DCUN1D1: variants seen among roughly 807,000 people sequenced by gnomAD.
DCUN1D1 encodes defective in cullin neddylation 1 domain containing 1, also known as DCN1-like protein 1.
In DCUN1D1, 3 loss-of-function variants were observed where a neutral mutation model predicts 39.0. The ratio of observed to expected loss-of-function variants is 0.08; its 90% CI spans 0.04 to 0.20. DCUN1D1 has a LOEUF of 0.20. Ranked by LOEUF, DCUN1D1 falls within the 10% of genes least tolerant of loss-of-function variation. The pLI is 1.00. For missense variants in DCUN1D1, 158 were observed against 302.4 expected (o/e 0.52, Z 3.54); for synonymous variants, 82 against 96.3 (o/e 0.85, Z 0.87).
At position 182,939,463 on chromosome 3, in the gene DCUN1D1, C is replaced by G. The variant is rs1318938758; in HGVS notation, c.*5631G>C. The G allele has an allele frequency of 6.6e-6, 1 of 152,180 alleles. No individual in the cohort carries two copies. The highest frequency in any genetic ancestry group is 2.4e-5 in the African/African-American group (1 of 41,436). The allele number at this position is 152,180 out of a possible 1,614,324, so 9.4% of individuals were successfully genotyped here. A position where few individuals can be genotyped will look rare whatever the true frequency, so the allele number is the denominator to read the frequency against. On this transcript the variant is annotated 3_prime_UTR_variant, in exon 7 of 7. Coordinates refer to ENST00000292782, the MANE Select transcript of DCUN1D1 (RefSeq NM_020640.4). ...AATTGTAGGCCAGCCAAATGTCTATCAACTGGTGAATGGATAAACAAAATG... is the reference window on the plus strand; with the variant it reads ...AATTGTAGGCCAGCCAAATGTCTATGAACTGGTGAATGGATAAACAAAATG...
Position 182,947,101 on chromosome 3 carries a change from C to CA in DCUN1D1, c.700+136dup, listed in dbSNP as rs199535170. On this transcript the variant is annotated intron_variant, in intron 6 of 6. Transcript: ENST00000292782. ...TGGGCAACAGAATGAGACTCTATCTCAAAAAAAACAAAAACAAAACAAAAG... is the reference window on the plus strand; with the variant it reads ...TGGGCAACAGAATGAGACTCTATCTCAAAAAAAAACAAAAACAAAACAAAAG... 3.3e-3 allele frequency: 1,948 copies of CA among 583,596 alleles called. 26 individuals are homozygous for CA. Among genetic ancestry groups the CA allele is most frequent in the African/African-American group, 0.032 (1,648 of 52,036 alleles). The allele number at this position is 583,596 out of a possible 1,614,324, so 36.2% of individuals were successfully genotyped here.
chr3:182,967,194 A>G (rs1023175060), intron 1 of DCUN1D1, among the ~76,000 whole-genome samples: 1 of 151,400 alleles, frequency 6.6e-6, no homozygotes, highest in African/African-American at 2.4e-5. Flanking sequence ...TGAGAGCCCC[A>G]GATTCCCTCA....
At chr3:182,948,519 A>G (rs1726535092) in intron 4 of DCUN1D1, among the ~76,000 whole-genome samples, 1 of 152,246 alleles carries the variant, frequency 6.6e-6, no homozygotes, top group Non-Finnish European at 1.5e-5. Flanking sequence ...CACATGACAG[A>G]GAACTACACT....
At chr3:182,961,885 G>A (rs745725384) in intron 3 of DCUN1D1, among the ~76,000 whole-genome samples, 6 of 152,170 alleles carry the variant, frequency 3.9e-5, no homozygotes, top group Non-Finnish European at 8.8e-5. Context: ...TTAATATTAA[G>A]CTTTTTCTGT....
intron 1 of DCUN1D1, chr3:182,980,149 C>T (rs1728461759): frequency 3.8e-6 from 3 of 782,364 alleles, no homozygotes; most frequent in Middle Eastern, 6.4e-4. Context: ...GCCGTTGCCC[C>T]CTCCCCTCCC....
intron 1 of DCUN1D1, 81 bp from the exon 2 acceptor site, chr3:182,965,834 C>G: frequency 1.2e-6 from 1 of 844,562 alleles, no homozygotes; most frequent in Non-Finnish European, 1.9e-6. Flanking sequence ...ACTAAACATT[C>G]TTAGTAATAC....
chr3:182,956,824 T>C (rs1199392548), intron 4 of DCUN1D1, among the ~76,000 whole-genome samples: 2 of 152,176 alleles, frequency 1.3e-5, no homozygotes, highest in African/African-American at 4.8e-5. Flanking sequence ...TTTGATCAAA[T>C]TAACATAATG....
upstream of DCUN1D1, among the ~76,000 whole-genome samples, chr3:182,982,929 C>T (rs1465735124): frequency 1.3e-5 from 2 of 152,108 alleles, no homozygotes; most frequent in Non-Finnish European, 2.9e-5. Flanking sequence ...CAGGCGTGAG[C>T]CACCGCGCCT....
At chr3:182,980,145 GCCCCCTCCCCTC>G in intron 1 of DCUN1D1, 4 of 838,468 alleles carry the variant, frequency 4.8e-6, no homozygotes, top group Non-Finnish European at 5.8e-6. Context: ...CAAGGCCGTT[GCCCCCTCCCCTC>G]CCCCCGCCCC....
chr3:182,971,185 A>C (rs1727917223), intron 1 of DCUN1D1, among the ~76,000 whole-genome samples: 1 of 152,220 alleles, frequency 6.6e-6, no homozygotes, highest in African/African-American at 2.4e-5. Context: ...CTGTAAACAG[A>C]GTGTTGAGGT....
chr3:182,965,839 T>C (rs1727640407), intron 1 of DCUN1D1, 86 bp from the exon 2 acceptor site: 2 of 837,716 alleles, frequency 2.4e-6, no homozygotes, highest in East Asian at 5.0e-5. Context: ...ACATTCTTAG[T>C]AATACTTTTT....
At chr3:182,960,269 C>T (rs1289935208) in intron 4 of DCUN1D1, among the ~76,000 whole-genome samples, 1 of 131,674 alleles carries the variant, frequency 7.6e-6, no homozygotes, top group East Asian at 2.0e-4. Flanking sequence ...CAATTTAAAC[C>T]TTTCTGTCTC....
At chr3:182,959,833 C>T (rs550863877) in intron 4 of DCUN1D1, among the ~76,000 whole-genome samples, 1 of 152,276 alleles carries the variant, frequency 6.6e-6, no homozygotes, top group South Asian at 2.1e-4. Flanking sequence ...GGGTGGATCC[C>T]TCATGAATGG....
intron 1 of DCUN1D1, among the ~76,000 whole-genome samples, chr3:182,976,444 TACACACACACACACACACAC>T (rs59465164): frequency 7.1e-5 from 10 of 140,684 alleles, no homozygotes; most frequent in African/African-American, 2.2e-4. Context: ...TATACATACA[TACACACACACACACACACAC>T]ACACACACAC....
chr3:182,945,084 T>C lies in DCUN1D1; in HGVS notation c.*10A>G. 6.2e-7 allele frequency: 1 copy of C among 1,609,226 alleles called. No homozygotes were observed. The highest frequency in any genetic ancestry group is 8.5e-7 in the Non-Finnish European group (1 of 1,177,182). On this transcript the variant is annotated 3_prime_UTR_variant, in exon 7 of 7. Transcript: ENST00000292782. ...ACAGACTATGTACATTCTAGAAGGT[T>C]CCTTTAGTGCTACACTGTTGTACTT...
At chr3:182,948,015 T>C (rs918101695) in intron 4 of DCUN1D1, among the ~76,000 whole-genome samples, 1 of 152,222 alleles carries the variant, frequency 6.6e-6, no homozygotes, top group Admixed American at 6.5e-5. Context: ...GGTGCTGTCC[T>C]GTGTACTGTA....
intron 1 of DCUN1D1, among the ~76,000 whole-genome samples, chr3:182,976,730 C>A (rs1234824573): frequency 6.6e-6 from 1 of 152,162 alleles, no homozygotes; most frequent in Admixed American, 6.6e-5. Context: ...ATTTATGTCT[C>A]CCTACTAAAA....
upstream of DCUN1D1, among the ~76,000 whole-genome samples, chr3:182,981,381 A>AC (rs1362208473): frequency 6.6e-6 from 1 of 152,174 alleles, no homozygotes; most frequent in Non-Finnish European, 1.5e-5. Flanking sequence ...TCCAGGTGTG[A>AC]CCTGCCCTGG....
intron 4 of DCUN1D1, among the ~76,000 whole-genome samples, chr3:182,951,790 G>A (rs947326215): frequency 6.1e-5 from 9 of 148,602 alleles, no homozygotes; most frequent in East Asian, 2.0e-4. Context: ...TCCGCCTCCC[G>A]GGTTCAAGTG....
Sources: allele counts gnomAD v4.1 joint callset (sites outside exome capture counted in the v4.1 genomes callset), GRCh38; gene constraint gnomAD v4.1.1; transcripts MANE v1.5; gene names NCBI Gene and HGNC (gene_info 2026-07-23, HGNC 2026-07-21).